The following CD8B variants were observed in gnomAD, a reference collection of about 807,000 sequenced individuals.
CD8B encodes CD8 subunit beta, also known as T-cell surface glycoprotein CD8 beta chain.
In CD8B, 6 loss-of-function variants were observed where a neutral mutation model predicts 24.2. The observed-to-expected ratio is 0.25, with a 90% CI of 0.14 to 0.49. CD8B has a LOEUF of 0.49. Ranked by LOEUF, CD8B falls within the 20% of genes least tolerant of loss-of-function variation. The pLI is 0.98. For missense variants in CD8B, 196 were observed against 271.3 expected (o/e 0.72, Z 1.95); for synonymous variants, 84 against 108.3 (o/e 0.78, Z 1.39).
intron 5 of CD8B, among the ~76,000 whole-genome samples, chr2:86,821,576 C>CG (rs1674473412): frequency 1.3e-5 from 2 of 152,184 alleles, no homozygotes; most frequent in African/African-American, 4.8e-5. Flanking sequence ...AGGCCGAGTT[C>CG]GGTTGTTGCT....
downstream of CD8B, among the ~76,000 whole-genome samples, chr2:86,833,946 G>T (rs191113725): frequency 6.6e-6 from 1 of 151,884 alleles, no homozygotes; most frequent in Admixed American, 6.6e-5. Context: ...ACCGTGCCCG[G>T]CCAAATCATT....
chr2:86,840,825 A>G lies in CD8B; in HGVS notation c.*1482T>C, dbSNP rs1461469600. On this transcript the variant is annotated 3_prime_UTR_variant, in exon 6 of 6. Transcript: ENST00000390655. ...TTTCTAACTCCACCCACCACACCTC[A>G]TTCTGCTGCGGCCGCACCCCAGATG... Among the ~76,000 whole-genome samples, 1 of 151,962 alleles carries G rather than the reference A, an allele frequency of 6.6e-6. No individual in the cohort carries two copies. Among genetic ancestry groups the G allele is most frequent in the Non-Finnish European group, 1.5e-5 (1 of 68,020 alleles).
rs759684199 is a variant in CD8B at position 86,858,045 on chromosome 2, C to T, written c.403+12G>A. The T allele has an allele frequency of 2.5e-6, 4 of 1,612,756 alleles. No homozygotes were observed. Among genetic ancestry groups the T allele is most frequent in the Non-Finnish European group, 3.4e-6 (4 of 1,178,930 alleles). On this transcript the variant is annotated intron_variant, in intron 2 of 5. Coordinates refer to ENST00000390655, the MANE Select transcript of CD8B (RefSeq NM_004931.5). ...ATCGGTGCTCACTGATAGCATTGAG[C>T]CTGCTTCTTACCCACACTCAGCTGA... is the stretch of plus-strand genomic sequence containing the variant.
At chr2:86,861,019 C>T (rs1413988867) in intron 1 of CD8B, among the ~76,000 whole-genome samples, 2 of 152,168 alleles carry the variant, frequency 1.3e-5, no homozygotes, top group Non-Finnish European at 2.9e-5. Context: ...GACTTTAGTG[C>T]TCTGAACGGC....
At chr2:86,821,608 G>T in intron 5 of CD8B, 1 of 266,680 alleles carries the variant, frequency 3.7e-6, no homozygotes. Flanking sequence ...ACCACCCAGA[G>T]TTGACTGAAG....
At chr2:86,837,354 C>T (rs555556874), downstream of CD8B, among the ~76,000 whole-genome samples, 8 of 152,318 alleles carry the variant, frequency 5.3e-5, no homozygotes, top group Middle Eastern at 3.4e-3. Context: ...ACAGGAATCA[C>T]ACGTGTCGTG....
In CD8B at chr2:86,844,810, G is replaced by C; in HGVS notation, c.620+112C>G. ...GGTGTGCACTACTATGCCCGGCCGA[G>C]TCTATGATCTTTGGAAGATGAGGTC... On this transcript the variant is annotated intron_variant, in intron 5 of 5. Transcript: ENST00000390655. 1.9e-6 allele frequency: 3 copies of C among 1,546,032 alleles called. No homozygotes were observed. The South Asian group carries it at 3.6e-5, about 19-fold the overall frequency.
At chr2:86,817,686 T>C (rs1674310950) in intron 5 of CD8B, among the ~76,000 whole-genome samples, 1 of 152,124 alleles carries the variant, frequency 6.6e-6, no homozygotes, top group South Asian at 2.1e-4. Flanking sequence ...GTATGCAGTA[T>C]GGAGGATGGA....
intron 2 of CD8B, among the ~76,000 whole-genome samples, chr2:86,856,165 C>G (rs1383562025): frequency 6.6e-6 from 1 of 152,158 alleles, no homozygotes; most frequent in Non-Finnish European, 1.5e-5. Flanking sequence ...CAAGCCAGAG[C>G]TGGAGAGAGG....
At chr2:86,833,977 A>C (rs1675064381), downstream of CD8B, among the ~76,000 whole-genome samples, 1 of 152,114 alleles carries the variant, frequency 6.6e-6, no homozygotes, top group Non-Finnish European at 1.5e-5. Flanking sequence ...CATTCTTTTG[A>C]TGGCTACACG....
chr2:86,816,773 T>G (rs1674265571), intron 5 of CD8B, among the ~76,000 whole-genome samples: 1 of 152,200 alleles, frequency 6.6e-6, no homozygotes, highest in Non-Finnish European at 1.5e-5. Flanking sequence ...AAAAAATGTG[T>G]TTTTAAGACA....
intron 3 of CD8B, among the ~76,000 whole-genome samples, chr2:86,851,409 G>A (rs1675970740): frequency 1.3e-5 from 2 of 152,094 alleles, no homozygotes; most frequent in Admixed American, 1.3e-4. Context: ...TGGCTCTATT[G>A]TATTTGCCTT....
chr2:86,844,900 C>T, intron 5 of CD8B, 22 bp downstream of exon 5: 1 of 1,557,504 alleles, frequency 6.4e-7, no homozygotes, highest in Non-Finnish European at 8.7e-7. Context: ...AACCCAAGGC[C>T]ACACCCAGGT....
chr2:86,850,710 C>T (rs1421942394), intron 3 of CD8B, among the ~76,000 whole-genome samples: 1 of 152,198 alleles, frequency 6.6e-6, no homozygotes, highest in Non-Finnish European at 1.5e-5. Flanking sequence ...ACTAGGTCAC[C>T]TTCACACACA....
intron 3 of CD8B, among the ~76,000 whole-genome samples, chr2:86,849,833 C>T (rs1007957155): frequency 4.0e-5 from 6 of 151,018 alleles, no homozygotes; most frequent in African/African-American, 7.3e-5. Context: ...CCTCCTAAGT[C>T]GTTGGGATTA....
rs768805598 is a variant in CD8B, at chr2:86,858,220, G to T, written c.240C>A (p.Ile80=). 1.7e-5 allele frequency: 27 copies of T among 1,614,026 alleles called. No homozygotes were observed. The highest frequency in any genetic ancestry group is 1.7e-4 in the Middle Eastern group (1 of 6,056). ...LALWDSAKGT[I]HGEEVEQEKI... is the part of the protein sequence containing the mutation. Reference sequence around the variant, plus strand: ...TCTCCTGTTCCACCTCTTCACCGTGGATAGTCCCTTTTGCGGAATCCCAGA... The same window carrying T: ...TCTCCTGTTCCACCTCTTCACCGTGTATAGTCCCTTTTGCGGAATCCCAGA... Residue 80 remains isoleucine, a synonymous_variant, in exon 2 of 6, where the codon ATC becomes ATA. Coordinates refer to ENST00000390655, the MANE Select transcript of CD8B (RefSeq NM_004931.5).
chr2:86,852,989 G>T lies in CD8B; in HGVS notation c.493+8C>A. 6.6e-7 allele frequency: 1 copy of T among 1,520,788 alleles called. No individual in the cohort carries two copies. Among genetic ancestry groups the T allele is most frequent in the Non-Finnish European group, 8.9e-7 (1 of 1,127,600 alleles). The allele number at this position is 1,520,788 out of a possible 1,614,324, so 94.2% of individuals were successfully genotyped here. On this transcript the variant is annotated splice_region_variant and intron_variant, in intron 3 of 5. Transcript: ENST00000390655. ...GTTTCTGAGGGTGCAGAGGGATAGG[G>T]AACTCACCCTTCTGGGTCTCTGGCC...
chr2:86,849,772 C>T (rs1675886253), intron 3 of CD8B, among the ~76,000 whole-genome samples: 1 of 146,258 alleles, frequency 6.8e-6, no homozygotes, highest in African/African-American at 2.6e-5. Context: ...GGCGTGATCT[C>T]GGCTCACCAC....
chr2:86,856,521 G>A, intron 2 of CD8B, among the ~76,000 whole-genome samples: 1 of 152,162 alleles, frequency 6.6e-6, no homozygotes, highest in Non-Finnish European at 1.5e-5. Flanking sequence ...TTTGGTTTGT[G>A]TCTTCCTAAT....
Sources: allele counts gnomAD v4.1 joint callset (sites outside exome capture counted in the v4.1 genomes callset), GRCh38; gene constraint gnomAD v4.1.1; transcripts MANE v1.5; gene names NCBI Gene and HGNC (gene_info 2026-07-23, HGNC 2026-07-21).